The following ZNF804B variants were observed in gnomAD, a reference collection of about 807,000 sequenced individuals.
ZNF804B encodes zinc finger 804B.
In ZNF804B, 80 loss-of-function variants were observed where a neutral mutation model predicts 101.4. The ratio of observed to expected loss-of-function variants is 0.79; its 90% confidence interval spans 0.66 to 0.95. The LOEUF is 0.95. Ranked by LOEUF, ZNF804B falls within the 40% of genes least tolerant of loss-of-function variation. The probability of loss-of-function intolerance (pLI) is 0.00; values close to 1 mark genes in which losing one functional copy is unlikely to be tolerated. For synonymous variants in ZNF804B, 622 were observed against 558.8 expected, an observed-to-expected ratio of 1.11 and a Z score of -1.59; for missense variants, 1,673 against 1,561.9, an observed-to-expected ratio of 1.07 and a Z score of -1.20.
chr7:89,194,744 T>C (rs1490622479), intron 1 of ZNF804B, among the ~76,000 whole-genome samples: 13 of 150,930 alleles, frequency 8.6e-5, no homozygotes, highest in African/African-American at 2.2e-4. Flanking sequence ...AGTCAGGTAG[T>C]GTGATGCCTC....
At chr7:88,865,730 G>C (rs1374601355) in intron 1 of ZNF804B, among the ~76,000 whole-genome samples, 1 of 152,050 alleles carries the variant, frequency 6.6e-6, no homozygotes, top group Non-Finnish European at 1.5e-5. Context: ...TACATCTGCT[G>C]TGCTCTTATA....
At chr7:89,142,266 G>T (rs1182951522) in intron 1 of ZNF804B, among the ~76,000 whole-genome samples, 2 of 151,304 alleles carry the variant, frequency 1.3e-5, no homozygotes, top group Non-Finnish European at 2.9e-5. Flanking sequence ...TTTCTTTTTT[G>T]TTTGTTTGTT....
chr7:89,013,348 A>G (rs745476840), intron 1 of ZNF804B, among the ~76,000 whole-genome samples: 2 of 152,168 alleles, frequency 1.3e-5, no homozygotes, highest in Admixed American at 6.5e-5. Flanking sequence ...TAATGAATAT[A>G]CTTCACTTAA....
At chr7:89,148,158 T>A (rs1193028659) in intron 1 of ZNF804B, among the ~76,000 whole-genome samples, 2 of 152,024 alleles carry the variant, frequency 1.3e-5, no homozygotes, top group South Asian at 2.1e-4. Flanking sequence ...GAGACAAATC[T>A]ATTAAACTTT....
At chr7:88,923,316 G>C (rs1334243468) in intron 1 of ZNF804B, among the ~76,000 whole-genome samples, 2 of 152,188 alleles carry the variant, frequency 1.3e-5, no homozygotes, top group East Asian at 3.9e-4. Flanking sequence ...ATGCCATTAA[G>C]TCATTCTCCT....
intron 1 of ZNF804B, among the ~76,000 whole-genome samples, chr7:88,944,503 A>C (rs1048386852): frequency 6.6e-6 from 1 of 151,800 alleles, no homozygotes; most frequent in African/African-American, 2.4e-5. Flanking sequence ...TATCATACAC[A>C]CATACATATG....
chr7:89,075,255 G>A (rs575990660), intron 1 of ZNF804B, among the ~76,000 whole-genome samples: 3 of 152,166 alleles, frequency 2.0e-5, no homozygotes, highest in Non-Finnish European at 2.9e-5. Context: ...CATGTCAGAC[G>A]TCTCTACGGC....
intron 1 of ZNF804B, among the ~76,000 whole-genome samples, chr7:88,897,646 C>T (rs986577552): frequency 7.2e-5 from 11 of 152,156 alleles, no homozygotes; most frequent in Admixed American, 7.2e-4. Context: ...GAATCAGAGT[C>T]TCAGCTAAAT....
intron 1 of ZNF804B, among the ~76,000 whole-genome samples, chr7:89,117,796 A>C (rs1790333063): frequency 1.3e-5 from 2 of 152,182 alleles, no homozygotes; most frequent in Admixed American, 6.5e-5. Flanking sequence ...GCTTTATTTC[A>C]TAGCTGGCAT....
intron 1 of ZNF804B, among the ~76,000 whole-genome samples, chr7:88,856,221 A>T (rs1205952668): frequency 6.6e-6 from 1 of 152,124 alleles, no homozygotes; most frequent in Non-Finnish European, 1.5e-5. Flanking sequence ...CACGATATTG[A>T]TTCTTCCTAC....
chr7:88,817,238 G>A lies in ZNF804B; in HGVS notation c.108+57154G>A, dbSNP rs546165705. On this transcript the variant is annotated intron_variant, in intron 1 of 3. Transcript: ENST00000333190. ...ACACAGTGGGGCCTGTTGTGGGATG[G>A]GGGGATGGGGGAGGGATAGCATTGG... 2.1e-5 allele frequency among the ~76,000 whole-genome samples: 3 copies of A among 146,148 alleles called. No homozygotes were observed. The South Asian group carries it at 6.2e-4, about 30-fold the overall frequency.
intron 1 of ZNF804B, among the ~76,000 whole-genome samples, chr7:88,776,793 C>A (rs1790149403): frequency 8.9e-6 from 1 of 111,894 alleles, no homozygotes; most frequent in African/African-American, 3.3e-5. Flanking sequence ...CCCCCCCCCA[C>A]CCTGTTCACT....
intron 1 of ZNF804B, among the ~76,000 whole-genome samples, chr7:89,050,519 C>T (rs1290079633): frequency 1.3e-5 from 2 of 152,058 alleles, no homozygotes; most frequent in Non-Finnish European, 2.9e-5. Flanking sequence ...GATTAATGTC[C>T]CTGATGGTTA....
At chr7:89,149,696 T>G (rs2888658) in intron 1 of ZNF804B, among the ~76,000 whole-genome samples, 27,243 of 151,684 alleles carry the variant, frequency 0.18, 2,700 homozygotes, top group African/African-American at 0.26. Flanking sequence ...AAGTACTTAA[T>G]CTCTGAGATT....
At chr7:88,897,190 G>A (rs1176381217) in intron 1 of ZNF804B, among the ~76,000 whole-genome samples, 2 of 152,192 alleles carry the variant, frequency 1.3e-5, no homozygotes, top group African/African-American at 4.8e-5. Context: ...AGAGGCTTAA[G>A]TTAAGGATCT....
chr7:88,760,852 A>T (rs1031664311), intron 1 of ZNF804B, among the ~76,000 whole-genome samples: 3 of 148,518 alleles, frequency 2.0e-5, no homozygotes, highest in African/African-American at 7.3e-5. Context: ...TGTTTCAAGA[A>T]AATGTGTGTG....
In ZNF804B at chr7:89,108,383, A is replaced by G. The variant is rs988086893; in HGVS notation, c.109-109772A>G. 4.1e-4 allele frequency among the ~76,000 whole-genome samples: 63 copies of G among 152,234 alleles called. 1 individual carries two copies. The highest frequency in any genetic ancestry group is 6.5e-5 in the Admixed American group (1 of 15,272). On this transcript the variant is annotated intron_variant, in intron 1 of 3. Coordinates refer to ENST00000333190, the MANE Select transcript of ZNF804B (RefSeq NM_181646.5). The stretch of plus-strand genomic sequence containing the variant: ...AGAAGTTGTGGAGTCACTGGCTTCT[A>G]ATGAAAGACAGATCATGACTGGCCA...
intron 2 of ZNF804B, among the ~76,000 whole-genome samples, chr7:89,312,218 T>C (rs914834727): frequency 6.6e-6 from 1 of 152,148 alleles, no homozygotes; most frequent in African/African-American, 2.4e-5. Flanking sequence ...AATCTAGAAA[T>C]ATCCTCAAAC....
chr7:89,295,771 G>T (rs1790372682), intron 2 of ZNF804B, among the ~76,000 whole-genome samples: 1 of 152,036 alleles, frequency 6.6e-6, no homozygotes, highest in Non-Finnish European at 1.5e-5. Context: ...ATCAACTAAT[G>T]GGTAGATAAA....
Sources: gnomAD v4.1 joint callset for allele counts (sites outside exome capture counted in the v4.1 genomes callset) on GRCh38, gnomAD v4.1.1 for gene constraint, MANE v1.5 for transcripts, NCBI Gene and HGNC (gene_info 2026-07-23, HGNC 2026-07-21) for gene names.